Variants in MYO5B observed in about 807,000 individuals in gnomAD.
MYO5B encodes myosin VB.
A neutral mutation model predicts 229.3 loss-of-function variants in MYO5B; 143 were observed. The observed-to-expected ratio is 0.62, with a 90% CI of 0.54 to 0.72. The LOEUF is 0.72. Ranked by LOEUF, MYO5B falls within the 30% of genes least tolerant of loss-of-function variation. The pLI is 0.00. For synonymous variants in MYO5B, 918 were observed against 885.2 expected, an observed-to-expected ratio of 1.04 and a Z score of -0.66; for missense variants, 2,321 against 2,331.0, an observed-to-expected ratio of 1.00 and a Z score of 0.09.
At chr18:49,982,815 T>C (rs1448740775) in intron 8 of MYO5B, among the ~76,000 whole-genome samples, 2 of 152,184 alleles carry the variant, frequency 1.3e-5, no homozygotes, top group African/African-American at 2.4e-5. Flanking sequence ...AAAAGGGACA[T>C]GTTTATTAAA....
intron 21 of MYO5B, among the ~76,000 whole-genome samples, chr18:49,901,755 G>A (rs971821778): frequency 6.6e-6 from 1 of 152,248 alleles, no homozygotes; most frequent in African/African-American, 2.4e-5. Context: ...GCAAAGTGAT[G>A]CAGAGCATGG....
At chr18:50,016,429 C>G (rs1478374359) in intron 4 of MYO5B, among the ~76,000 whole-genome samples, 1 of 152,158 alleles carries the variant, frequency 6.6e-6, no homozygotes, top group Non-Finnish European at 1.5e-5. Flanking sequence ...TGTGCAGTAA[C>G]TGAATTCTTT....
chr18:49,889,922 T>A lies in MYO5B; in HGVS notation c.3045+5019A>T, dbSNP rs942084323. On this transcript the variant is annotated intron_variant, in intron 22 of 39. Transcript: ENST00000285039. ...TGTTTTGAGGCTTGTTGCTTCCCTC[T>A]GTCTCCCTCTTTGATTCATGAATGC... Among the ~76,000 whole-genome samples the A allele has an allele frequency of 2.0e-4, 30 of 152,230 alleles. 1 individual carries two copies. The highest frequency in any genetic ancestry group is 4.1e-4 in the South Asian group (2 of 4,832).
intron 8 of MYO5B, among the ~76,000 whole-genome samples, chr18:49,983,574 G>A (rs1312906451): frequency 6.6e-6 from 1 of 152,200 alleles, no homozygotes; most frequent in Non-Finnish European, 1.5e-5. Context: ...CCCGGCCCCT[G>A]CCAGGAATAG....
chr18:49,931,653 C>G (rs923168891), intron 16 of MYO5B, among the ~76,000 whole-genome samples: 3 of 152,168 alleles, frequency 2.0e-5, no homozygotes, highest in African/African-American at 7.2e-5. Context: ...AAGCACAGTT[C>G]CAGGATCCAA....
chr18:50,158,307 C>CA (rs1176430054), intron 1 of MYO5B, among the ~76,000 whole-genome samples: 2 of 152,168 alleles, frequency 1.3e-5, no homozygotes, highest in African/African-American at 4.8e-5. Flanking sequence ...CCAATGAGCT[C>CA]ACATGGATGC....
In MYO5B at chr18:49,836,861, C is replaced by T. The variant is rs1285392661; in HGVS notation, c.5163G>A (p.Glu1721=). 6.2e-7 allele frequency: 1 copy of T among 1,614,134 alleles called. No individual in the cohort carries two copies. The highest frequency in any genetic ancestry group is 1.7e-5 in the Admixed American group (1 of 60,030). The change falls in exon 38 of 40, where the codon GAG becomes GAA. Residue 1721 remains glutamate (E), a synonymous_variant. Transcript: ENST00000285039. ...QLRYNISQLE[E]WLRGRNLHQS... is the part of the protein sequence containing the mutation. Reference sequence around the variant, plus strand: ...GGTGAAGGTTTCTTCCCCGAAGCCACTCCTCAAGCTGACTTATATTGTACC... The same window carrying T: ...GGTGAAGGTTTCTTCCCCGAAGCCATTCCTCAAGCTGACTTATATTGTACC...
At chr18:49,942,388 A>AC (rs1173213568) in intron 14 of MYO5B, among the ~76,000 whole-genome samples, 13 of 108,690 alleles carry the variant, frequency 1.2e-4, no homozygotes, top group African/African-American at 3.2e-4. Flanking sequence ...AGCAAAAAAA[A>AC]AAAAAAAAAA....
At position 49,980,421 on chromosome 18, in the gene MYO5B, T is replaced by A. The variant is rs1327027198; in HGVS notation, c.1056+23A>T. 8.0e-6 allele frequency: 12 copies of A among 1,499,056 alleles called. No homozygotes were observed. Among genetic ancestry groups the A allele is most frequent in the Non-Finnish European group, 9.3e-6 (10 of 1,075,104 alleles). The allele number at this position is 1,499,056 out of a possible 1,614,324, so 92.9% of individuals were successfully genotyped here. A position where few individuals can be genotyped will look rare whatever the true frequency, so the allele number is the denominator to read the frequency against. The stretch of plus-strand genomic sequence containing the variant: ...CAGGGTAAATTGTGTTCATTTTATC[T>A]CCGGTGTTGGTGTGCAACTTACTGA... On this transcript the variant is annotated intron_variant, in intron 9 of 39. Transcript: ENST00000285039.
intron 21 of MYO5B, among the ~76,000 whole-genome samples, chr18:49,902,175 A>G (rs941888969): frequency 6.6e-6 from 1 of 152,088 alleles, no homozygotes; most frequent in African/African-American, 2.4e-5. Flanking sequence ...GCTCTAGGGG[A>G]GAGTCCATGT....
At chr18:49,865,380 A>C (rs2024384542) in intron 27 of MYO5B, among the ~76,000 whole-genome samples, 1 of 152,220 alleles carries the variant, frequency 6.6e-6, no homozygotes, top group South Asian at 2.1e-4. Flanking sequence ...GCATAGAGAT[A>C]GTAACTCTGC....
intron 1 of MYO5B, among the ~76,000 whole-genome samples, chr18:50,182,180 T>TATGGG (rs2033082442): frequency 2.0e-5 from 3 of 152,208 alleles, no homozygotes; most frequent in Admixed American, 1.3e-4. Flanking sequence ...AGGCAAAAAC[T>TATGGG]ATGAGTACTG....
At chr18:50,128,880 TG>T (rs1311345125) in intron 1 of MYO5B, among the ~76,000 whole-genome samples, 1 of 152,200 alleles carries the variant, frequency 6.6e-6, no homozygotes, top group Non-Finnish European at 1.5e-5. Context: ...GAAACTGCTT[TG>T]GTGTGAAGCC....
intron 1 of MYO5B, among the ~76,000 whole-genome samples, chr18:50,101,000 T>C (rs1447688686): frequency 6.6e-6 from 1 of 152,054 alleles, no homozygotes; most frequent in East Asian, 1.9e-4. Flanking sequence ...GGAAGGGAAA[T>C]GGGGAGGTAT....
At chr18:50,013,041 T>G (rs2026179674) in intron 4 of MYO5B, among the ~76,000 whole-genome samples, 1 of 152,204 alleles carries the variant, frequency 6.6e-6, no homozygotes, top group Admixed American at 6.5e-5. Context: ...ACTCTTTTAT[T>G]CATAAGTCTC....
At chr18:49,865,881 C>T (rs977477629) in intron 27 of MYO5B, among the ~76,000 whole-genome samples, 6 of 152,160 alleles carry the variant, frequency 3.9e-5, no homozygotes, top group Admixed American at 6.5e-5. Context: ...CATTCTCTAA[C>T]CATTCCTGGA....
intron 4 of MYO5B, among the ~76,000 whole-genome samples, chr18:50,019,969 T>G (rs1338295086): frequency 6.6e-6 from 1 of 152,136 alleles, no homozygotes; most frequent in Non-Finnish European, 1.5e-5. Flanking sequence ...CAGGGCATGG[T>G]TGATGAGTCC....
chr18:50,151,990 C>G (rs1332487394), intron 1 of MYO5B, among the ~76,000 whole-genome samples: 1 of 152,194 alleles, frequency 6.6e-6, no homozygotes, highest in Admixed American at 6.5e-5. Flanking sequence ...TCAGATCCTT[C>G]CTTGACTTTG....
intron 1 of MYO5B, among the ~76,000 whole-genome samples, chr18:50,185,748 T>TCTG (rs2033139231): frequency 5.9e-5 from 9 of 152,266 alleles, no homozygotes; most frequent in Non-Finnish European, 7.3e-5. Flanking sequence ...CATTACAGTA[T>TCTG]ATGGCATCAG....
Sources: gnomAD v4.1 joint callset for allele counts (sites outside exome capture counted in the v4.1 genomes callset) on GRCh38, gnomAD v4.1.1 for gene constraint, MANE v1.5 for transcripts, NCBI Gene and HGNC (gene_info 2026-07-23, HGNC 2026-07-21) for gene names.